Variants in COMMD6 observed in about 807,000 individuals in gnomAD.
The protein encoded by COMMD6 is COMM domain-containing protein 6.
Under a neutral mutation model 13.4 loss-of-function variants are expected in COMMD6, and 11 were observed. The observed-to-expected ratio is 0.82, with a 90% CI of 0.52 to 1.36. The LOEUF (loss-of-function observed/expected upper bound fraction) is 1.36. Ranked by LOEUF, COMMD6 falls within the 40% of genes most tolerant of loss-of-function variation. COMMD6 has a pLI of 0.00. For synonymous variants in COMMD6, 43 were observed against 36.5 expected, an observed-to-expected ratio of 1.18 and a Z score of -0.64; for missense variants, 124 against 102.4, an observed-to-expected ratio of 1.21 and a Z score of -0.91.
At chr13:75,532,613 C>T (rs1047015284) in intron 2 of COMMD6, among the ~76,000 whole-genome samples, 1 of 152,166 alleles carries the variant, frequency 6.6e-6, no homozygotes, top group South Asian at 2.1e-4. Context: ...GGGCGGATCA[C>T]GAGGTCAGGA....
At chr13:75,541,220 T>C (rs1237747046), upstream of COMMD6, among the ~76,000 whole-genome samples, 7 of 152,220 alleles carry the variant, frequency 4.6e-5, no homozygotes, top group Admixed American at 3.9e-4. Flanking sequence ...ACTGAAATTC[T>C]AACTTGAGCT....
intron 1 of COMMD6, among the ~76,000 whole-genome samples, chr13:75,544,352 C>T (rs1278589014): frequency 1.3e-5 from 2 of 152,164 alleles, no homozygotes; most frequent in African/African-American, 4.8e-5. Context: ...TTATGCCTTC[C>T]AGTTGTCACA....
chr13:75,546,843 A>G (rs1490979504), intron 1 of COMMD6, among the ~76,000 whole-genome samples: 1 of 152,344 alleles, frequency 6.6e-6, no homozygotes, highest in Middle Eastern at 3.4e-3. Flanking sequence ...GTTTTAGTTG[A>G]TGATCTATAA....
At chr13:75,548,137 T>C (rs985929810) in intron 1 of COMMD6, among the ~76,000 whole-genome samples, 10 of 152,328 alleles carry the variant, frequency 6.6e-5, no homozygotes, top group Admixed American at 5.2e-4. Context: ...GGCAATTCCT[T>C]TGACAGTAAG....
At chr13:75,541,672 C>G (rs190008341), upstream of COMMD6, among the ~76,000 whole-genome samples, 2 of 152,092 alleles carry the variant, frequency 1.3e-5, no homozygotes, top group East Asian at 3.9e-4. Context: ...GGTGAAAAGC[C>G]ATGCTCTAGA....
chr13:75,540,369 C>CACACACAG (rs1245973477), upstream of COMMD6, among the ~76,000 whole-genome samples: 105 of 151,602 alleles, frequency 6.9e-4, no homozygotes, highest in Non-Finnish European at 8.8e-5. Flanking sequence ...CACACACACA[C>CACACACAG]ACAGACACAC....
At chr13:75,548,915 C>T (rs991505051) in intron 1 of COMMD6, among the ~76,000 whole-genome samples, 4 of 152,196 alleles carry the variant, frequency 2.6e-5, no homozygotes, top group Non-Finnish European at 4.4e-5. Flanking sequence ...ACAGCATCAC[C>T]TCTAATCAGC....
intron 2 of COMMD6, 88 bp downstream of exon 2, chr13:75,537,576 G>C (rs2030717736): frequency 6.3e-7 from 1 of 1,597,358 alleles, no homozygotes; most frequent in African/African-American, 1.3e-5. Flanking sequence ...AGGACTAGGG[G>C]AGACCTGGGG....
chr13:75,537,833 A>C lies in COMMD6; in HGVS notation c.-28T>G. ...GCAGCGTCTGGGACTTGCGGCCCGG[A>C]CTCGAGAGAACGCCCCCAGACCAGC... On this transcript the variant is annotated 5_prime_UTR_variant, in exon 1 of 4. Coordinates refer to ENST00000682242, the MANE Select transcript of COMMD6 (RefSeq NM_203495.4). 1 of 1,574,328 alleles carries C rather than the reference A, an allele frequency of 6.4e-7. No homozygotes were observed. The highest frequency in any genetic ancestry group is 8.6e-7 in the Non-Finnish European group (1 of 1,158,210).
Position 75,526,565 on chromosome 13 carries a change from AT to A in COMMD6, c.*23del. The A allele has an allele frequency of 6.4e-7, 1 of 1,552,064 alleles. No individual in the cohort carries two copies. Among genetic ancestry groups the A allele is most frequent in the South Asian group, 1.2e-5 (1 of 85,164 alleles). ...AGTCCATGACTTTAGAATGATAGCA[AT>A]TTATCAACCAAAGAATCCGTCTTCA... On this transcript the variant is annotated 3_prime_UTR_variant, in exon 4 of 4. Transcript: ENST00000682242.
chr13:75,545,275 C>G (rs1229858638), intron 1 of COMMD6, among the ~76,000 whole-genome samples: 2 of 152,304 alleles, frequency 1.3e-5, no homozygotes, highest in South Asian at 2.1e-4. Context: ...CTGACCCCGC[C>G]CAACCCCACA....
At chr13:75,531,329 A>G (rs750443499) in intron 2 of COMMD6, among the ~76,000 whole-genome samples, 1 of 152,286 alleles carries the variant, frequency 6.6e-6, no homozygotes, top group South Asian at 2.1e-4. Flanking sequence ...TGCCTCAATC[A>G]ACCATAAAAG....
chr13:75,533,476 G>T (rs1010607850), intron 2 of COMMD6, among the ~76,000 whole-genome samples: 2 of 151,710 alleles, frequency 1.3e-5, no homozygotes, highest in African/African-American at 2.4e-5. Context: ...GGATGAAGTG[G>T]GAGGATCACC....
In COMMD6 at chr13:75,532,791, G is replaced by A. The variant is rs941293903; in HGVS notation, c.55-2525C>T. Among the ~76,000 whole-genome samples the A allele has an allele frequency of 2.0e-5, 3 of 152,216 alleles. No individual in the cohort carries two copies. In the East Asian group the frequency reaches 5.8e-4, roughly 29 times the overall value. ...AAGTTGACAAGTGATCAAAAAGCCA[G>A]TAATTCCTTGCAAATTGAGCTTTCA... On this transcript the variant is annotated intron_variant, in intron 2 of 3. Coordinates refer to ENST00000682242, the MANE Select transcript of COMMD6 (RefSeq NM_203495.4).
upstream of COMMD6, among the ~76,000 whole-genome samples, chr13:75,540,512 T>A (rs545419477): frequency 3.0e-4 from 45 of 152,332 alleles, no homozygotes; most frequent in Middle Eastern, 3.4e-3. Context: ...TCAACATGAG[T>A]GCACTTCAAA....
chr13:75,540,341 CA>C (rs1297107316), upstream of COMMD6, among the ~76,000 whole-genome samples: 41 of 107,478 alleles, frequency 3.8e-4, 1 homozygote, highest in Middle Eastern at 8.5e-3. Flanking sequence ...CACACACACA[CA>C]CCCACACACA....
At chr13:75,549,378 T>G in exon 1 of COMMD6, 1 of 173,852 alleles carries the variant, frequency 5.8e-6, no homozygotes, top group Non-Finnish European at 1.2e-5. Flanking sequence ...CCACCTGGCG[T>G]CTGTCTCAGA....
chr13:75,543,584 GAC>G (rs1263263995), upstream of COMMD6, among the ~76,000 whole-genome samples: 39 of 152,328 alleles, frequency 2.6e-4, no homozygotes, highest in African/African-American at 8.7e-4. Context: ...CTGCGATCTT[GAC>G]AGTCACCTAG....
At position 75,526,521 on chromosome 13, in the gene COMMD6, G is replaced by T; in HGVS notation, c.*68C>A. The stretch of plus-strand genomic sequence containing the variant: ...TCAATAAATGTTCCATCCTTATTTA[G>T]TTTTGTTGCCGAAAGTGAAGTCCAT... On this transcript the variant is annotated 3_prime_UTR_variant, in exon 4 of 4. Coordinates refer to ENST00000682242, the MANE Select transcript of COMMD6 (RefSeq NM_203495.4). The T allele has an allele frequency of 4.7e-6, 5 of 1,054,046 alleles. No homozygotes were observed. The highest frequency in any genetic ancestry group is 1.6e-5 in the South Asian group (1 of 63,176). The allele number at this position is 1,054,046 out of a possible 1,614,324, so 65.3% of individuals were successfully genotyped here.
Sources: gnomAD v4.1 joint callset for allele counts (sites outside exome capture counted in the v4.1 genomes callset) on GRCh38, gnomAD v4.1.1 for gene constraint, MANE v1.5 for transcripts, NCBI Gene and HGNC (gene_info 2026-07-23, HGNC 2026-07-21) for gene names.